Variants in FBXW7 observed in about 807,000 individuals in gnomAD.
FBXW7 encodes the protein F-box/WD repeat-containing protein 7.
A neutral mutation model predicts 86.3 loss-of-function variants in FBXW7; 11 were observed. The observed-to-expected ratio is 0.13, with a 90% CI of 0.08 to 0.21. FBXW7 has a LOEUF of 0.21. Ranked by LOEUF, FBXW7 falls within the 10% of genes least tolerant of loss-of-function variation. FBXW7 has a pLI of 1.00. For synonymous variants in FBXW7, 313 were observed against 297.9 expected (o/e 1.05, Z -0.52); for missense variants, 488 against 847.4 (o/e 0.58, Z 5.27).
At chr4:152,458,082 C>T (rs1742599720) in intron 2 of FBXW7, among the ~76,000 whole-genome samples, 1 of 152,152 alleles carries the variant, frequency 6.6e-6, no homozygotes, top group African/African-American at 2.4e-5. Context: ...TGCACTGGTG[C>T]AGTCTCAGCT....
chr4:152,434,521 A>G (rs1030091646), intron 2 of FBXW7, among the ~76,000 whole-genome samples: 2 of 152,198 alleles, frequency 1.3e-5, no homozygotes, highest in Non-Finnish European at 2.9e-5. Context: ...ATAATACTGC[A>G]TTGCCTTCTT....
At chr4:152,371,176 T>C (rs905617815) in intron 4 of FBXW7, among the ~76,000 whole-genome samples, 1 of 151,908 alleles carries the variant, frequency 6.6e-6, no homozygotes, top group Non-Finnish European at 1.5e-5. Context: ...CTACTGTTAT[T>C]TATACCAAAA....
intron 4 of FBXW7, among the ~76,000 whole-genome samples, chr4:152,376,139 C>T (rs895865904): frequency 4.6e-5 from 7 of 151,920 alleles, no homozygotes; most frequent in Non-Finnish European, 7.4e-5. Flanking sequence ...AAGACAAGTG[C>T]CTTTTCTACA....
chr4:152,385,688 T>C (rs761188978), intron 4 of FBXW7, among the ~76,000 whole-genome samples: 3 of 151,524 alleles, frequency 2.0e-5, no homozygotes, highest in Admixed American at 2.0e-4. Context: ...AAATGTGGAG[T>C]TTTTTAGTGG....
At chr4:152,493,742 A>C (rs187446980) in intron 2 of FBXW7, among the ~76,000 whole-genome samples, 2 of 152,310 alleles carry the variant, frequency 1.3e-5, no homozygotes, top group African/African-American at 2.4e-5. Context: ...GAAGAAAACA[A>C]ACCTGCCAAC....
chr4:152,365,975 T>C (rs1456235455), intron 4 of FBXW7, among the ~76,000 whole-genome samples: 2 of 152,058 alleles, frequency 1.3e-5, no homozygotes, highest in African/African-American at 4.8e-5. Flanking sequence ...AGGGTACCAA[T>C]AAAAAATATT....
At chr4:152,497,321 C>CA (rs55764450) in intron 2 of FBXW7, among the ~76,000 whole-genome samples, 15,608 of 52,576 alleles carry the variant, frequency 0.3, 3,936 homozygotes, top group African/African-American at 0.45. Context: ...GACTCCATCT[C>CA]AAAAAAAAAA....
At chr4:152,393,726 A>G (rs1736184951) in intron 4 of FBXW7, among the ~76,000 whole-genome samples, 1 of 152,176 alleles carries the variant, frequency 6.6e-6, no homozygotes, top group African/African-American at 2.4e-5. Flanking sequence ...CCTCATTTGC[A>G]TCTGATTTCA....
intron 5 of FBXW7, chr4:152,348,708 T>C (rs780458847): frequency 1.1e-4 from 128 of 1,183,096 alleles, no homozygotes; most frequent in Middle Eastern, 9.0e-4. Context: ...AATAGAAGAC[T>C]GATACATTTA....
chr4:152,535,293 C>T lies in FBXW7; in HGVS notation c.-379G>A, dbSNP rs1178574139. The T allele has an allele frequency of 1.7e-5, 5 of 299,612 alleles. No homozygotes were observed. Among genetic ancestry groups the T allele is most frequent in the African/African-American group, 1.1e-4 (5 of 46,032 alleles). 18.6% of individuals were successfully genotyped at this position (299,612 alleles called of 1,614,324 possible). A position where few individuals can be genotyped will look rare whatever the true frequency, so the allele number is the denominator to read the frequency against. Reference sequence around the variant, plus strand: ...CCGGGTCCCCCCCGGCCCCGCCGCCCTCGGGACTGGGGCGGGGGAGGGGGG... The same window carrying T: ...CCGGGTCCCCCCCGGCCCCGCCGCCTTCGGGACTGGGGCGGGGGAGGGGGG... On this transcript the variant is annotated 5_prime_UTR_variant, in exon 1 of 14. Coordinates refer to ENST00000281708, the MANE Select transcript of FBXW7 (RefSeq NM_001349798.2).
intron 2 of FBXW7, among the ~76,000 whole-genome samples, chr4:152,483,430 G>A (rs890231672): frequency 2.0e-5 from 3 of 151,520 alleles, no homozygotes; most frequent in Admixed American, 1.3e-4. Context: ...GAGGCTGGGC[G>A]TGGTGGCTAA....
intron 6 of FBXW7, among the ~76,000 whole-genome samples, chr4:152,341,307 A>C (rs759456285): frequency 6.6e-6 from 1 of 152,116 alleles, no homozygotes; most frequent in Non-Finnish European, 1.5e-5. Flanking sequence ...CTGTGCTGTA[A>C]ACACTCCAGG....
intron 4 of FBXW7, among the ~76,000 whole-genome samples, chr4:152,391,274 G>A (rs1579074654): frequency 6.6e-6 from 1 of 151,918 alleles, no homozygotes; most frequent in Admixed American, 6.6e-5. Flanking sequence ...ATTCTTGGAC[G>A]GGCTGACAGT....
intron 5 of FBXW7, chr4:152,348,608 T>C: frequency 2.7e-6 from 1 of 367,982 alleles, no homozygotes; most frequent in Non-Finnish European, 4.1e-6. Context: ...TAAAATGTGT[T>C]CTGTAATAAA....
intron 2 of FBXW7, among the ~76,000 whole-genome samples, chr4:152,459,184 C>G (rs1260164800): frequency 6.6e-6 from 1 of 152,200 alleles, no homozygotes. Flanking sequence ...CATGACTTTA[C>G]TACCGACACC....
At chr4:152,412,043 A>T (rs1037002926) in intron 3 of FBXW7, among the ~76,000 whole-genome samples, 171 bp from the exon 4 acceptor site, 3 of 152,180 alleles carry the variant, frequency 2.0e-5, no homozygotes, top group African/African-American at 7.2e-5. Flanking sequence ...CAATTTTAAA[A>T]GTTATAAGAC....
In FBXW7 at chr4:152,480,133, C is replaced by T. The variant is rs537654236; in HGVS notation, c.-120+54808G>A. Reference sequence around the variant, plus strand: ...TTACAAAATAATGGTTTGTGCAACCCTGCATTGGGCAAGTCTATTTGGTGC... The same window carrying T: ...TTACAAAATAATGGTTTGTGCAACCTTGCATTGGGCAAGTCTATTTGGTGC... On this transcript the variant is annotated intron_variant, in intron 2 of 13. Coordinates refer to ENST00000281708, the MANE Select transcript of FBXW7 (RefSeq NM_001349798.2). Among the ~76,000 whole-genome samples the T allele has an allele frequency of 2.4e-4, 37 of 152,226 alleles. 2 individuals carry two copies. The South Asian group carries it at 7.7e-3, about 32-fold the overall frequency.
In FBXW7 at chr4:152,330,636, G is replaced by A. The variant is rs373148944; in HGVS notation, c.1122+96C>T. ...AATATACGGTTTTCTTTCTACAGAA[G>A]AGGAGTGTCATATTATACAGTTTGC... On this transcript the variant is annotated intron_variant, in intron 9 of 13. Coordinates refer to ENST00000281708, the MANE Select transcript of FBXW7 (RefSeq NM_001349798.2). 4.9e-6 allele frequency: 5 copies of A among 1,014,824 alleles called. 1 individual carries two copies. Among genetic ancestry groups the A allele is most frequent in the Non-Finnish European group, 6.8e-6 (5 of 736,586 alleles). The allele number at this position is 1,014,824 out of a possible 1,614,324, so 62.9% of individuals were successfully genotyped here.
chr4:152,524,468 T>C (rs1056653745), intron 2 of FBXW7, among the ~76,000 whole-genome samples: 1 of 152,204 alleles, frequency 6.6e-6, no homozygotes, highest in South Asian at 2.1e-4. Flanking sequence ...ACACTGATTA[T>C]CCCATACAAA....
Sources: gnomAD v4.1 joint callset for allele counts (sites outside exome capture counted in the v4.1 genomes callset) on GRCh38, gnomAD v4.1.1 for gene constraint, MANE v1.5 for transcripts, NCBI Gene and HGNC (gene_info 2026-07-23, HGNC 2026-07-21) for gene names.